The following DAB1 variants were observed in gnomAD, a reference collection of about 807,000 sequenced individuals.
DAB1 encodes DAB adaptor protein 1.
In DAB1, 15 loss-of-function variants were observed where a neutral mutation model predicts 64.6. The observed-to-expected ratio is 0.23, with a 90% CI of 0.16 to 0.36. The LOEUF is 0.36. DAB1 is among the 10% of genes least tolerant of loss of function. DAB1 has a pLI of 1.00. For synonymous variants in DAB1, 235 were observed against 251.9 expected (o/e 0.93, Z 0.64); for missense variants, 596 against 706.7 (o/e 0.84, Z 1.78).
intron 4 of DAB1, among the ~76,000 whole-genome samples, chr1:58,250,297 C>T (rs1283648136): frequency 3.9e-5 from 6 of 152,230 alleles, no homozygotes; most frequent in Admixed American, 3.9e-4. Flanking sequence ...CCTCCGGCTG[C>T]AGTAGAGGGC....
chr1:57,833,298 A>T (rs1214249797), intron 1 of DAB1, among the ~76,000 whole-genome samples: 2 of 152,236 alleles, frequency 1.3e-5, no homozygotes, highest in African/African-American at 4.8e-5. Context: ...ATTTGGAAAT[A>T]GGTTCATTTA....
chr1:57,004,360 A>G (rs1219910691), intron 14 of DAB1, among the ~76,000 whole-genome samples: 1 of 152,248 alleles, frequency 6.6e-6, no homozygotes, highest in Non-Finnish European at 1.5e-5. Flanking sequence ...GTTTTTGGAA[A>G]GATTGACTAC....
chr1:57,906,699 G>C (rs1644556008), intron 5 of DAB1, among the ~76,000 whole-genome samples: 1 of 152,114 alleles, frequency 6.6e-6, no homozygotes, highest in Non-Finnish European at 1.5e-5. Flanking sequence ...GTGAAGATGA[G>C]GGAAGAGGGT....
chr1:57,015,289 G>A lies in DAB1; in HGVS notation c.1038C>T (p.Leu346=). The stretch of plus-strand genomic sequence containing the variant: ...GCCAGGGCTGCTGAGTGGCAGGAAA[G>A]AGACCCGGCTGGCCCCATGCGATGG... ...AQPIAWGQPG[L]FPATQQPWPT... is the part of the protein sequence containing the mutation. Residue 346 remains leucine, a synonymous_variant, in exon 12 of 15, where the codon CTC becomes CTT. Transcript: ENST00000371236. 6.2e-7 allele frequency: 1 copy of A among 1,614,158 alleles called. No individual in the cohort carries two copies. The highest frequency in any genetic ancestry group is 8.5e-7 in the Non-Finnish European group (1 of 1,180,042).
At chr1:58,264,471 A>G (rs1364083433) in intron 4 of DAB1, among the ~76,000 whole-genome samples, 3 of 152,248 alleles carry the variant, frequency 2.0e-5, no homozygotes, top group African/African-American at 7.2e-5. Flanking sequence ...AAAGACATCT[A>G]AAGTGTATAT....
chr1:57,698,466 T>A lies in DAB1; in HGVS notation n.552-48801A>T, dbSNP rs186526815. On this transcript the variant is annotated intron_variant and non_coding_transcript_variant, in intron 6 of 20. Transcript: ENST00000485760. ...CTAATGCTTTCTGCTCCTTGTGGAT[T>A]TTTTTTAGGGAGCGGCTTCATGTGT... Among the ~76,000 whole-genome samples, 38 of 152,236 alleles carry A rather than the reference T, an allele frequency of 2.5e-4. 1 individual carries two copies. Among genetic ancestry groups the A allele is most frequent in the Non-Finnish European group, 1.3e-4 (9 of 68,008 alleles).
intron 5 of DAB1, among the ~76,000 whole-genome samples, chr1:58,077,172 G>A (rs1052446822): frequency 2.0e-5 from 3 of 152,180 alleles, no homozygotes; most frequent in African/African-American, 7.2e-5. Context: ...AATACCATCA[G>A]TGGGTCACTT....
At chr1:57,649,247 CAT>C (rs1558574941) in intron 7 of DAB1, among the ~76,000 whole-genome samples, 1 of 152,102 alleles carries the variant, frequency 6.6e-6, no homozygotes, top group Non-Finnish European at 1.5e-5. Flanking sequence ...AGAGAGCTAA[CAT>C]AGTTCTGTTG....
intron 1 of DAB1, among the ~76,000 whole-genome samples, chr1:57,404,148 T>G (rs1448375976): frequency 6.6e-6 from 1 of 152,212 alleles, no homozygotes; most frequent in Non-Finnish European, 1.5e-5. Flanking sequence ...AAGGGTATAT[T>G]ATGATACAGG....
At chr1:58,162,884 C>T (rs1474720699) in intron 4 of DAB1, among the ~76,000 whole-genome samples, 1 of 152,136 alleles carries the variant, frequency 6.6e-6, no homozygotes, top group Non-Finnish European at 1.5e-5. Flanking sequence ...GGTTCTAAAC[C>T]AGGGGCGATT....
intron 2 of DAB1, among the ~76,000 whole-genome samples, chr1:57,172,273 G>A (rs1398395097): frequency 6.6e-6 from 1 of 152,138 alleles, no homozygotes; most frequent in Non-Finnish European, 1.5e-5. Context: ...AGGGAGTTAG[G>A]ACTTCAACAT....
chr1:57,970,139 A>T (rs1298791784), intron 5 of DAB1, among the ~76,000 whole-genome samples: 1 of 152,186 alleles, frequency 6.6e-6, no homozygotes, highest in Non-Finnish European at 1.5e-5. Context: ...TTGATCTTGG[A>T]CTTCCAGCCT....
chr1:58,334,968 C>T (rs968757609), intron 4 of DAB1, among the ~76,000 whole-genome samples: 2 of 151,984 alleles, frequency 1.3e-5, no homozygotes, highest in Admixed American at 6.6e-5. Flanking sequence ...AAATTTTTAT[C>T]CTCATGAAGA....
At chr1:57,072,238 C>G (rs374420168) in intron 5 of DAB1, 45 bp downstream of exon 5, 74 of 1,608,028 alleles carry the variant, frequency 4.6e-5, no homozygotes, top group Middle Eastern at 1.9e-4. Flanking sequence ...GACTGTCCCC[C>G]CAGAGTTCCA....
intron 6 of DAB1, among the ~76,000 whole-genome samples, chr1:57,795,611 T>C (rs1650808118): frequency 6.7e-6 from 1 of 149,682 alleles, no homozygotes; most frequent in Non-Finnish European, 1.5e-5. Flanking sequence ...GAATGACTTG[T>C]CTCTTTATGT....
intron 7 of DAB1, among the ~76,000 whole-genome samples, chr1:57,436,676 C>T (rs1302951637): frequency 6.6e-6 from 1 of 152,134 alleles, no homozygotes; most frequent in Non-Finnish European, 1.5e-5. Context: ...ATGGATGCAC[C>T]CTCTACAAAA....
At chr1:58,473,013 G>A (rs1415888724) in intron 3 of DAB1, among the ~76,000 whole-genome samples, 1 of 152,170 alleles carries the variant, frequency 6.6e-6, no homozygotes, top group African/African-American at 2.4e-5. Context: ...TAGAAGATTT[G>A]TTAAGAGAGG....
chr1:57,140,258 C>A (rs574655198), intron 3 of DAB1, among the ~76,000 whole-genome samples: 1 of 152,140 alleles, frequency 6.6e-6, no homozygotes, highest in Admixed American at 6.6e-5. Context: ...TCCTTGGGTG[C>A]CTATGCTAGA....
intron 5 of DAB1, among the ~76,000 whole-genome samples, chr1:58,068,861 A>G (rs1048613204): frequency 1.3e-5 from 2 of 152,092 alleles, no homozygotes; most frequent in African/African-American, 4.8e-5. Context: ...ATGAGTGGGA[A>G]TGAAGAAAGG....
Sources: allele counts gnomAD v4.1 joint callset (sites outside exome capture counted in the v4.1 genomes callset), GRCh38; gene constraint gnomAD v4.1.1; transcripts MANE v1.5; gene names NCBI Gene and HGNC (gene_info 2026-07-23, HGNC 2026-07-21).